The following GNB5 variants were observed in gnomAD, a reference collection of about 807,000 sequenced individuals.
The protein encoded by GNB5 is guanine nucleotide-binding protein subunit beta-5.
GNB5 carries 37 observed loss-of-function variants against 55.3 expected under a neutral mutation model. The ratio of observed to expected loss-of-function variants is 0.67; its 90% CI spans 0.51 to 0.88. GNB5 has a LOEUF of 0.88. GNB5 is among the 40% of genes least tolerant of loss of function. The probability of loss-of-function intolerance (pLI) is 0.00; values close to 1 mark genes in which losing one functional copy is unlikely to be tolerated. For missense variants in GNB5, 476 were observed against 515.3 expected, an observed-to-expected ratio of 0.92 and a Z score of 0.74; for synonymous variants, 219 against 198.5, an observed-to-expected ratio of 1.10 and a Z score of -0.87.
At chr15:52,130,579 A>T (rs1244155093) in intron 9 of GNB5, among the ~76,000 whole-genome samples, 1 of 152,242 alleles carries the variant, frequency 6.6e-6, no homozygotes, top group Non-Finnish European at 1.5e-5. Context: ...TAAATACTTT[A>T]AAAAGTTTGG....
chr15:52,169,585 GA>G (rs1212982460), intron 3 of GNB5, among the ~76,000 whole-genome samples: 15 of 117,122 alleles, frequency 1.3e-4, no homozygotes, highest in Admixed American at 9.1e-4. Context: ...AAGAGAAAAA[GA>G]AAAAAAGAAA....
chr15:52,160,051 G>A (rs1023002880), intron 3 of GNB5, among the ~76,000 whole-genome samples: 5 of 151,856 alleles, frequency 3.3e-5, no homozygotes, highest in Non-Finnish European at 7.4e-5. Context: ...GGGTTCAAGC[G>A]ATTCTCCTGT....
intron 2 of GNB5, 45 bp from the exon 3 acceptor site, chr15:52,179,924 G>C: frequency 2.7e-6 from 4 of 1,457,708 alleles, no homozygotes; most frequent in Non-Finnish European, 3.6e-6. Context: ...GAGCGGGAAT[G>C]CGCTGAGCCG....
chr15:52,136,315 G>A (rs1315445470), intron 7 of GNB5, among the ~76,000 whole-genome samples: 1 of 152,140 alleles, frequency 6.6e-6, no homozygotes, highest in Non-Finnish European at 1.5e-5. Context: ...CGGCCTCATG[G>A]TGGTACCTAC....
At chr15:52,181,284 C>T (rs572227993) in intron 2 of GNB5, 1 of 152,344 alleles carries the variant, frequency 6.6e-6, no homozygotes, top group East Asian at 1.9e-4. Flanking sequence ...AAAGCTTCTT[C>T]ATAGGATCTG....
At chr15:52,149,771 T>C (rs1230473033) in intron 5 of GNB5, 113 bp downstream of exon 5, 1 of 791,478 alleles carries the variant, frequency 1.3e-6, no homozygotes, top group Admixed American at 1.9e-5. Context: ...AGGCAACTGC[T>C]TGCAGGGATA....
rs186946392 is a variant in GNB5 at position 52,171,196 on chromosome 15, T to A, written c.238+8572A>T. ...TTAAGTTATGGGACCATCTTTAAGA[T>A]TGAATACTGTAAGGTTCCATATAAG... On this transcript the variant is annotated intron_variant, in intron 3 of 12. Coordinates refer to ENST00000261837, the MANE Select transcript of GNB5 (RefSeq NM_016194.4). 8.5e-5 allele frequency among the ~76,000 whole-genome samples: 13 copies of A among 152,050 alleles called. No individual in the cohort carries two copies. The South Asian group carries it at 2.3e-3, about 27-fold the overall frequency.
chr15:52,129,784 G>A (rs912779988), intron 9 of GNB5, among the ~76,000 whole-genome samples: 2 of 152,124 alleles, frequency 1.3e-5, no homozygotes, highest in African/African-American at 4.8e-5. Flanking sequence ...CTAAACCCAG[G>A]GGGTGCTACT....
chr15:52,174,497 T>C (rs1171635864), intron 3 of GNB5, among the ~76,000 whole-genome samples: 2 of 152,132 alleles, frequency 1.3e-5, no homozygotes, highest in Non-Finnish European at 2.9e-5. Context: ...GAGTTTGATG[T>C]GAGCTGGCTT....
Position 52,167,589 on chromosome 15 carries a change from T to C in GNB5, c.238+12179A>G, listed in dbSNP as rs1294943902. Among the ~76,000 whole-genome samples, 3 of 151,856 alleles carry C rather than the reference T, an allele frequency of 2.0e-5. No individual in the cohort carries two copies. The East Asian group carries it at 5.8e-4, about 29-fold the overall frequency. On this transcript the variant is annotated intron_variant, in intron 3 of 12. Coordinates refer to ENST00000261837, the MANE Select transcript of GNB5 (RefSeq NM_016194.4). ...AGGAGGCTGAGGCAGGAGAATCGCC[T>C]GAACGCAGGAGGTAGAGGTTGCAGT...
intron 6 of GNB5, chr15:52,144,457 G>A (rs946935253): frequency 1.3e-5 from 2 of 152,178 alleles, no homozygotes; most frequent in African/African-American, 4.8e-5. Context: ...ATAAAAAAAT[G>A]TGGAGAACTT....
intron 6 of GNB5, among the ~76,000 whole-genome samples, chr15:52,142,735 CA>C (rs2033886300): frequency 6.6e-6 from 1 of 152,176 alleles, no homozygotes; most frequent in African/African-American, 2.4e-5. Flanking sequence ...AAAATGGGGT[CA>C]CTTTTTTCTG....
At position 52,122,685 on chromosome 15, in the gene GNB5, T is replaced by C; in HGVS notation, c.*72A>G. On this transcript the variant is annotated 3_prime_UTR_variant, in exon 13 of 13. Coordinates refer to ENST00000261837, the MANE Select transcript of GNB5 (RefSeq NM_016194.4). ...CACTGCAATAAACTCTAAGCTCCTCTAGAAGTAATATCTATTTACATGTGA... is the reference window on the plus strand; with the variant it reads ...CACTGCAATAAACTCTAAGCTCCTCCAGAAGTAATATCTATTTACATGTGA... 8.2e-7 allele frequency: 1 copy of C among 1,221,070 alleles called. No homozygotes were observed. Among genetic ancestry groups the C allele is most frequent in the Non-Finnish European group, 1.2e-6 (1 of 822,098 alleles). The allele number at this position is 1,221,070 out of a possible 1,614,324, so 75.6% of individuals were successfully genotyped here.
At chr15:52,128,062 A>T in intron 10 of GNB5, 134 bp downstream of exon 10, 1 of 565,732 alleles carries the variant, frequency 1.8e-6, no homozygotes, top group Non-Finnish European at 3.2e-6. Context: ...AGATCAAGGT[A>T]ATTTAATATT....
intron 9 of GNB5, among the ~76,000 whole-genome samples, chr15:52,129,016 C>T (rs1442114422): frequency 3.4e-5 from 5 of 145,840 alleles, no homozygotes; most frequent in East Asian, 4.1e-4. Context: ...AGTGCAATGG[C>T]GTGAACTTGG....
chr15:52,136,113 A>AAC (rs751263225), intron 7 of GNB5, among the ~76,000 whole-genome samples: 4,386 of 50,552 alleles, frequency 0.087, 325 homozygotes, highest in East Asian at 0.11. Context: ...AAAAGCAGAA[A>AAC]ACACACACAC....
intron 3 of GNB5, among the ~76,000 whole-genome samples, chr15:52,155,351 G>A (rs973070243): frequency 2.0e-5 from 3 of 152,190 alleles, no homozygotes; most frequent in Non-Finnish European, 4.4e-5. Context: ...AGCCTGTGCC[G>A]AGAGGTGCCA....
rs4638520 is a variant in GNB5, at chr15:52,119,906, C to T, written c.*2851G>A. 0.19 allele frequency: 28,986 copies of T among 152,008 alleles called. 2,999 individuals carry two copies. The highest frequency in any genetic ancestry group is 0.27 in the Admixed American group (4,174 of 15,282). The allele number at this position is 152,008 out of a possible 1,614,324, so 9.4% of individuals were successfully genotyped here. On this transcript the variant is annotated 3_prime_UTR_variant, in exon 13 of 13. Transcript: ENST00000261837. ...CTGTGCTGTTTTAAGCCACTTATAA[C>T]CTAGAGAAGGGTGCAAAGGAGGTAG... is the stretch of plus-strand genomic sequence containing the variant.
chr15:52,135,685 G>A lies in GNB5; in HGVS notation c.699C>T (p.Phe233=). The change falls in exon 8 of 13, where the codon TTC becomes TTT. Residue 233 remains phenylalanine (F), a synonymous_variant. Coordinates refer to ENST00000261837, the MANE Select transcript of GNB5 (RefSeq NM_016194.4). ...DVESGQLLQS[F]HGHGADVLCL... ...AGAGGACGTCAGCCCCATGTCCGTG[G>A]AAGCTCTGCAGCAGCTGCCCGCTCT... 1.2e-6 allele frequency: 2 copies of A among 1,613,308 alleles called. No individual in the cohort carries two copies. Among genetic ancestry groups the A allele is most frequent in the Non-Finnish European group, 1.7e-6 (2 of 1,179,780 alleles).
Sources: gnomAD v4.1 joint callset for allele counts (sites outside exome capture counted in the v4.1 genomes callset) on GRCh38, gnomAD v4.1.1 for gene constraint, MANE v1.5 for transcripts, NCBI Gene and HGNC (gene_info 2026-07-23, HGNC 2026-07-21) for gene names.